RABL6: variants seen among roughly 807,000 people sequenced by gnomAD.
The protein encoded by RABL6 is rab-like protein 6.
In RABL6, 28 loss-of-function variants were observed where a neutral mutation model predicts 72.9. The ratio of observed to expected loss-of-function variants is 0.38; its 90% CI spans 0.28 to 0.53. RABL6 has a LOEUF of 0.53. Ranked by LOEUF, RABL6 falls within the 20% of genes least tolerant of loss-of-function variation. RABL6 has a pLI of 0.80. For synonymous variants in RABL6, 477 were observed against 421.2 expected (o/e 1.13, Z -1.62); for missense variants, 1,029 against 1,008.4 (o/e 1.02, Z -0.28).
chr9:136,810,433 TA>T (rs1014880516), intron 1 of RABL6, among the ~76,000 whole-genome samples: 1 of 152,252 alleles, frequency 6.6e-6, no homozygotes, highest in African/African-American at 2.4e-5. Flanking sequence ...AATTTGTACC[TA>T]AATTACATTT....
chr9:136,837,676 C>T lies in RABL6; in HGVS notation c.1126+14C>T. 4.5e-6 allele frequency: 7 copies of T among 1,566,660 alleles called. No individual in the cohort carries two copies. Among genetic ancestry groups the T allele is most frequent in the Non-Finnish European group, 6.1e-6 (7 of 1,156,898 alleles). On this transcript the variant is annotated intron_variant, in intron 9 of 14. Coordinates refer to ENST00000311502, the MANE Select transcript of RABL6 (RefSeq NM_024718.5). Reference sequence around the variant, plus strand: ...CTCCACCTCCAGGTAGGCCCTGGAGCTGCCCCTCCCAAACTGGTCCCAGAC... The same window carrying T: ...CTCCACCTCCAGGTAGGCCCTGGAGTTGCCCCTCCCAAACTGGTCCCAGAC...
At chr9:136,825,483 G>A (rs1173100449) in intron 2 of RABL6, among the ~76,000 whole-genome samples, 2 of 149,126 alleles carry the variant, frequency 1.3e-5, no homozygotes, top group Non-Finnish European at 3.0e-5. Context: ...TCGGGGCCCT[G>A]GAGGGAGGGG....
chr9:136,840,335 C>T lies in RABL6; in HGVS notation c.2003C>T (p.Ala668Val), dbSNP rs752922865. The T allele has an allele frequency of 1.9e-6, 3 of 1,575,498 alleles. No individual in the cohort carries two copies. Among genetic ancestry groups the T allele is most frequent in the East Asian group, 2.4e-5 (1 of 42,528 alleles). Residue 668 changes from alanine to valine, a missense_variant, in exon 15 of 15, where the codon GCT becomes GTT. Ala to Val is a moderately conservative substitution (Grantham distance 64). Coordinates refer to ENST00000311502, the MANE Select transcript of RABL6 (RefSeq NM_024718.5). ...KKKGKEEEEKAAKKKSKHKKS... is the reference protein window; with the variant it reads ...KKKGKEEEEKVAKKKSKHKKS... ...TGTGCTCCTCAGGAAGAAGAAAAAGCTGCCAAGAAGAAGAGCAAACACAAG... is the reference window on the plus strand; with the variant it reads ...TGTGCTCCTCAGGAAGAAGAAAAAGTTGCCAAGAAGAAGAGCAAACACAAG...
chr9:136,811,384 G>C (rs543210174), intron 1 of RABL6, among the ~76,000 whole-genome samples: 2 of 152,058 alleles, frequency 1.3e-5, no homozygotes, highest in Non-Finnish European at 2.9e-5. Flanking sequence ...TTGAGAGGCC[G>C]AGGCAGGCGG....
chr9:136,817,748 C>T (rs1300301617), intron 1 of RABL6, among the ~76,000 whole-genome samples: 1 of 152,048 alleles, frequency 6.6e-6, no homozygotes, highest in Non-Finnish European at 1.5e-5. Flanking sequence ...GAGTTGAGCT[C>T]GAAACACAGG....
chr9:136,837,240 G>C (rs1848599356), intron 8 of RABL6, 106 bp from the exon 9 acceptor site: 2 of 1,303,270 alleles, frequency 1.5e-6, no homozygotes, highest in Non-Finnish European at 2.2e-6. Flanking sequence ...CCAGAACACA[G>C]TGGCTCTTCC....
rs1848243356 is a variant in RABL6 at position 136,821,793 on chromosome 9, T to TC, written c.131-1730dup. The TC allele has an allele frequency of 3.4e-5, 40 of 1,173,486 alleles. No individual in the cohort carries two copies. In the South Asian group the frequency reaches 6.0e-4, roughly 17 times the overall value. The allele number at this position is 1,173,486 out of a possible 1,614,324, so 72.7% of individuals were successfully genotyped here. On this transcript the variant is annotated intron_variant, in intron 1 of 14. Transcript: ENST00000311502. The stretch of plus-strand genomic sequence containing the variant: ...CAGGCGGCCTCTGTTCTCCAAGTTC[T>TC]CCGCGGGAGAGGGAGGGGAACGAGG...
At position 136,841,077 on chromosome 9, in the gene RABL6, C is replaced by G. The variant is rs1281426125; in HGVS notation, c.*555C>G. ...TCTCCTGGGAGTGGGGGTTGTGTTT[C>G]CCACAGTGGCCTCAGCTGCGCCCCC... On this transcript the variant is annotated 3_prime_UTR_variant, in exon 15 of 15. Coordinates refer to ENST00000311502, the MANE Select transcript of RABL6 (RefSeq NM_024718.5). 1 of 1,403,572 alleles carries G rather than the reference C, an allele frequency of 7.1e-7. No individual in the cohort carries two copies. Among genetic ancestry groups the G allele is most frequent in the African/African-American group, 1.5e-5 (1 of 68,714 alleles). 86.9% of individuals were successfully genotyped at this position (1,403,572 alleles called of 1,614,324 possible).
chr9:136,828,163 GGA>G, intron 3 of RABL6: 1 of 261,426 alleles, frequency 3.8e-6, no homozygotes, highest in Non-Finnish European at 7.4e-6. Flanking sequence ...GGAGCTGGGG[GGA>G]GGGGGCCCTT....
rs573713943 is a variant in RABL6, at chr9:136,839,916, G to A, written c.1930+51G>A. 3.7e-5 allele frequency: 59 copies of A among 1,574,232 alleles called. 2 individuals carry two copies. The highest frequency in any genetic ancestry group is 2.5e-4 in the East Asian group (11 of 43,160). ...CAGCCTGCTGGAGTTTGGGTAGAAC[G>A]TGGGCCTCCTCCCAGCTGCTGGCCG... On this transcript the variant is annotated intron_variant, in intron 13 of 14. Transcript: ENST00000311502.
At chr9:136,822,897 G>A (rs1848270971) in intron 1 of RABL6, among the ~76,000 whole-genome samples, 1 of 152,140 alleles carries the variant, frequency 6.6e-6, no homozygotes, top group Non-Finnish European at 1.5e-5. Context: ...GACCACCCTG[G>A]CTAACACGGT....
chr9:136,813,230 TTACAG>T (rs1848050693), intron 1 of RABL6: 1 of 534,096 alleles, frequency 1.9e-6, no homozygotes, highest in Non-Finnish European at 3.5e-6. Context: ...TTCCCTTTTA[TTACAG>T]GAATTTAAAG....
At position 136,828,509 on chromosome 9, in the gene RABL6, G is replaced by A. The variant is rs766289000; in HGVS notation, c.329G>A (p.Arg110Gln). 5.6e-6 allele frequency: 9 copies of A among 1,613,202 alleles called. No individual in the cohort carries two copies. Among genetic ancestry groups the A allele is most frequent in the Admixed American group, 5.0e-5 (3 of 60,002 alleles). ...DVVDKGKCKKRGDGLKMENDP... is the reference protein window; with the variant it reads ...DVVDKGKCKKQGDGLKMENDP... ...TTTAAATAAGGAAAATGCAAAAAGC[G>A]AGGCGACGGCTTAAAGATGGAGAAC... is the stretch of plus-strand genomic sequence containing the variant. Residue 110 changes from arginine to glutamine, a missense_variant, in exon 4 of 15, where the codon CGA (arginine) becomes CAA (glutamine). Transcript: ENST00000311502.
intron 4 of RABL6, 122 bp downstream of exon 4, chr9:136,828,668 G>T: frequency 9.7e-7 from 1 of 1,028,680 alleles, no homozygotes; most frequent in Non-Finnish European, 1.4e-6. Flanking sequence ...CACGGGGGCC[G>T]CTGGCCTTCC....
At chr9:136,834,774 A>G (rs770597622) in intron 7 of RABL6, among the ~76,000 whole-genome samples, 7 of 151,774 alleles carry the variant, frequency 4.6e-5, no homozygotes, top group East Asian at 2.0e-4. Flanking sequence ...CACCACGCCC[A>G]GCCTCACATT....
At chr9:136,809,630 A>C (rs886609366) in intron 1 of RABL6, 2 of 158,964 alleles carry the variant, frequency 1.3e-5, no homozygotes, top group East Asian at 3.7e-4. Context: ...CGAAAAAAAA[A>C]TTTAAAAGAA....
rs760693796 is a variant in RABL6 at position 136,837,275 on chromosome 9, G to A, written c.810-71G>A. 5 of 1,471,582 alleles carry A rather than the reference G, an allele frequency of 3.4e-6. No homozygotes were observed. The African/African-American group carries it at 5.6e-5, about 16-fold the overall frequency. 91.2% of individuals were successfully genotyped at this position (1,471,582 alleles called of 1,614,324 possible). A position where few individuals can be genotyped will look rare whatever the true frequency, so the allele number is the denominator to read the frequency against. On this transcript the variant is annotated intron_variant, in intron 8 of 14. Coordinates refer to ENST00000311502, the MANE Select transcript of RABL6 (RefSeq NM_024718.5). ...CCAGCCCCAGCAGCAGCAGCAGAGA[G>A]CCCCCTGTCACCTGAGGGCCTCAGG...
rs1564375017 is a variant in RABL6 at position 136,840,513 on chromosome 9, G to A, written c.2181G>A (p.Glu727=). ...GCCACCCTGGGGGTGGCGACTACGAGGAGCTCTAGGCCGGCGTGGGCAGTG... is the reference window on the plus strand; with the variant it reads ...GCCACCCTGGGGGTGGCGACTACGAAGAGCTCTAGGCCGGCGTGGGCAGTG... ...GGRHPGGGDY[E]EL The change falls in exon 15 of 15, where the codon GAG becomes GAA. Residue 727 remains glutamate, a synonymous_variant. Coordinates refer to ENST00000311502, the MANE Select transcript of RABL6 (RefSeq NM_024718.5). 2 of 1,532,120 alleles carry A rather than the reference G, an allele frequency of 1.3e-6. No homozygotes were observed. Among genetic ancestry groups the A allele is most frequent in the South Asian group, 1.2e-5 (1 of 82,326 alleles). 94.9% of individuals were successfully genotyped at this position (1,532,120 alleles called of 1,614,324 possible).
intron 3 of RABL6, 115 bp downstream of exon 3, chr9:136,825,941 C>A: frequency 1.6e-6 from 2 of 1,256,350 alleles, no homozygotes; most frequent in Non-Finnish European, 2.3e-6. Context: ...GTGGACGGTG[C>A]CCAGGGTCTT....
Sources: gnomAD v4.1 joint callset for allele counts (sites outside exome capture counted in the v4.1 genomes callset) on GRCh38, gnomAD v4.1.1 for gene constraint, MANE v1.5 for transcripts, NCBI Gene and HGNC (gene_info 2026-07-23, HGNC 2026-07-21) for gene names.